Variants in TNNI3K observed in about 807,000 individuals in gnomAD.
TNNI3K encodes TNNI3 interacting kinase.
Under a neutral mutation model 114.5 loss-of-function variants are expected in TNNI3K, and 140 were observed. The observed-to-expected ratio is 1.22, with a 90% CI of 1.07 to 1.41. The LOEUF is 1.41. Among genes scored for constraint, TNNI3K ranks in the 40% most tolerant of loss-of-function variants. TNNI3K has a pLI of 0.00. For synonymous variants in TNNI3K, 347 were observed against 347.5 expected, an observed-to-expected ratio of 1.00 and a Z score of 0.02; for missense variants, 1,125 against 1,007.6, an observed-to-expected ratio of 1.12 and a Z score of -1.58.
chr1:74,447,368 T>C lies in TNNI3K; in HGVS notation c.2011+7746T>C, dbSNP rs866010650. Among the ~76,000 whole-genome samples, 5 of 150,072 alleles carry C rather than the reference T, an allele frequency of 3.3e-5. No individual in the cohort carries two copies. In the Middle Eastern group the frequency reaches 0.017, roughly 510 times the overall value. ...GTCTGTTGTTGGTGTATAAGAATGCTTGTGATTTTTCCAGAATCTACAATG... is the reference window on the plus strand; with the variant it reads ...GTCTGTTGTTGGTGTATAAGAATGCCTGTGATTTTTCCAGAATCTACAATG... On this transcript the variant is annotated intron_variant, in intron 20 of 24. Coordinates refer to ENST00000326637, the MANE Select transcript of TNNI3K (RefSeq NM_015978.3).
intron 4 of TNNI3K, among the ~76,000 whole-genome samples, chr1:74,268,760 A>G (rs1656169122): frequency 6.6e-6 from 1 of 151,874 alleles, no homozygotes; most frequent in Non-Finnish European, 1.5e-5. Context: ...TATGACCTGC[A>G]TCTTAACCCT....
At chr1:74,278,125 T>C (rs917677764) in intron 5 of TNNI3K, among the ~76,000 whole-genome samples, 4 of 8,008 alleles carry the variant, frequency 5.0e-4, no homozygotes, top group African/African-American at 1.7e-3. Context: ...TTATAAAATA[T>C]GGTTTCTCTC....
chr1:74,506,224 CT>C, intron 23 of TNNI3K, among the ~76,000 whole-genome samples: 1 of 152,300 alleles, frequency 6.6e-6, no homozygotes, highest in Admixed American at 6.5e-5. Flanking sequence ...AACATAGACA[CT>C]TAGTATGTTC....
chr1:74,260,943 G>A (rs1655626457), intron 4 of TNNI3K, among the ~76,000 whole-genome samples: 1 of 151,958 alleles, frequency 6.6e-6, no homozygotes, highest in Admixed American at 6.6e-5. Flanking sequence ...AACAACCAGT[G>A]TTAAAGTTTG....
At chr1:74,334,168 A>G (rs1485423071) in intron 6 of TNNI3K, among the ~76,000 whole-genome samples, 1 of 152,222 alleles carries the variant, frequency 6.6e-6, no homozygotes, top group Non-Finnish European at 1.5e-5. Flanking sequence ...TATCAAAACT[A>G]TAAACAATTT....
chr1:74,241,585 G>A (rs61778052), intron 2 of TNNI3K, among the ~76,000 whole-genome samples: 7,072 of 152,238 alleles, frequency 0.046, 207 homozygotes, highest in East Asian at 0.12. Flanking sequence ...CTTCTTTTGA[G>A]AAGTATCTGT....
intron 23 of TNNI3K, among the ~76,000 whole-genome samples, chr1:74,520,566 C>T (rs1479349692): frequency 3.3e-5 from 5 of 151,874 alleles, no homozygotes; most frequent in African/African-American, 4.8e-5. Flanking sequence ...TTCCTTCCTC[C>T]CTTTCCAAAA....
At chr1:74,291,620 A>G (rs1019755862) in intron 5 of TNNI3K, among the ~76,000 whole-genome samples, 2 of 151,600 alleles carry the variant, frequency 1.3e-5, no homozygotes, top group African/African-American at 2.4e-5. Context: ...CTGACTTCAT[A>G]GTCTGTGATC....
At chr1:74,539,207 A>C (rs1453328344) in intron 23 of TNNI3K, among the ~76,000 whole-genome samples, 4 of 152,140 alleles carry the variant, frequency 2.6e-5, no homozygotes, top group Non-Finnish European at 5.9e-5. Flanking sequence ...GAATTGAGTG[A>C]GAAATGTGAG....
In TNNI3K at chr1:74,350,433, A is replaced by C. The variant is rs902798861; in HGVS notation, c.933-2833A>C. Reference sequence around the variant, plus strand: ...TAGGTGTGGTGTGGTGCTGAAAAGAATGTATATTCTGTTGATTTGGGGTGG... The same window carrying C: ...TAGGTGTGGTGTGGTGCTGAAAAGACTGTATATTCTGTTGATTTGGGGTGG... On this transcript the variant is annotated intron_variant, in intron 9 of 24. Transcript: ENST00000326637. Among the ~76,000 whole-genome samples the C allele has an allele frequency of 3.3e-5, 5 of 152,150 alleles. No homozygotes were observed. The East Asian group carries it at 9.6e-4, about 29-fold the overall frequency.
chr1:74,418,747 A>G (rs1570597130), intron 17 of TNNI3K, among the ~76,000 whole-genome samples: 1 of 141,210 alleles, frequency 7.1e-6, no homozygotes, highest in Admixed American at 6.9e-5. Context: ...GATGTTCAAG[A>G]AAAAAAAAAC....
At chr1:74,473,585 T>A (rs1668044594) in intron 21 of TNNI3K, among the ~76,000 whole-genome samples, 1 of 152,028 alleles carries the variant, frequency 6.6e-6, no homozygotes, top group Admixed American at 6.6e-5. Context: ...AAATTAACTT[T>A]TAGTAGACAG....
At chr1:74,347,363 G>C (rs1338928202) in intron 9 of TNNI3K, among the ~76,000 whole-genome samples, 1 of 151,932 alleles carries the variant, frequency 6.6e-6, no homozygotes, top group Non-Finnish European at 1.5e-5. Context: ...GTATTCCATG[G>C]TGTATATGTG....
rs117068024 is a variant in TNNI3K at position 74,504,886 on chromosome 1, G to A, written c.2351+12620G>A. On this transcript the variant is annotated intron_variant, in intron 23 of 24. Transcript: ENST00000326637. ...CCAGAGTGCATTTCCCTCTTCAAGC[G>A]TTTTGTAATACTAATTAACTAATTC... Among the ~76,000 whole-genome samples, 33 of 152,236 alleles carry A rather than the reference G, an allele frequency of 2.2e-4. No individual in the cohort carries two copies. The East Asian group carries it at 6.2e-3, about 29-fold the overall frequency.
chr1:74,241,857 T>C (rs1346002235), intron 2 of TNNI3K, among the ~76,000 whole-genome samples: 2 of 151,186 alleles, frequency 1.3e-5, no homozygotes, highest in Non-Finnish European at 3.0e-5. Flanking sequence ...TTTCCTTTTT[T>C]TTTTTTTTTT....
chr1:74,492,232 C>G lies in TNNI3K; in HGVS notation c.2317C>G (p.Leu773Val), dbSNP rs1188402633. 1.2e-6 allele frequency: 2 copies of G among 1,611,498 alleles called. No homozygotes were observed. The highest frequency in any genetic ancestry group is 2.2e-5 in the East Asian group (1 of 44,862). ...LRSRFELEYALNARSYAALSQ... is the reference protein window; with the variant it reads ...LRSRFELEYAVNARSYAALSQ... ...AAGTCGTTTCGAATTGGAATATGCT[C>G]TAAATGCAAGGTCCTATGCTGCTTT... Residue 773 changes from leucine (L) to valine (V), a missense_variant, in exon 23 of 25, where the codon CTA becomes GTA. Leu to Val is a conservative substitution (Grantham distance 32). Coordinates refer to ENST00000326637, the MANE Select transcript of TNNI3K (RefSeq NM_015978.3).
At chr1:74,459,258 G>A (rs138098890) in intron 20 of TNNI3K, among the ~76,000 whole-genome samples, 6 of 152,284 alleles carry the variant, frequency 3.9e-5, no homozygotes, top group African/African-American at 1.4e-4. Flanking sequence ...CCTATTAATA[G>A]CCAAGTACTG....
chr1:74,526,880 A>T (rs1646510530), intron 23 of TNNI3K, among the ~76,000 whole-genome samples: 1 of 152,186 alleles, frequency 6.6e-6, no homozygotes, highest in Admixed American at 6.5e-5. Flanking sequence ...GTTTCTGTAA[A>T]GTTTTATTGG....
At chr1:74,445,974 A>G (rs1045717622) in intron 20 of TNNI3K, among the ~76,000 whole-genome samples, 1 of 152,144 alleles carries the variant, frequency 6.6e-6, no homozygotes, top group African/African-American at 2.4e-5. Flanking sequence ...AGTCTTTGCT[A>G]GTGTGAATAA....
Sources: allele counts gnomAD v4.1 joint callset (sites outside exome capture counted in the v4.1 genomes callset), GRCh38; gene constraint gnomAD v4.1.1; transcripts MANE v1.5; gene names NCBI Gene and HGNC (gene_info 2026-07-23, HGNC 2026-07-21).